Variants in CNTNAP2 observed in about 807,000 individuals in gnomAD.
CNTNAP2 encodes contactin-associated protein-like 2.
Under a neutral mutation model 155.2 loss-of-function variants are expected in CNTNAP2, and 98 were observed. That is an observed-to-expected ratio of 0.63 (90% CI 0.54 to 0.75). The LOEUF is 0.75. CNTNAP2 is among the 30% of genes least tolerant of loss of function. The pLI is 0.00. For missense variants in CNTNAP2, 1,727 were observed against 1,688.1 expected (o/e 1.02, Z -0.40); for synonymous variants, 651 against 631.2 (o/e 1.03, Z -0.47).
At chr7:147,008,149 A>G (rs957256928) in intron 3 of CNTNAP2, among the ~76,000 whole-genome samples, 4 of 152,080 alleles carry the variant, frequency 2.6e-5, no homozygotes, top group Non-Finnish European at 5.9e-5. Flanking sequence ...ATCCATTAGC[A>G]AAATATTCTA....
At chr7:146,368,739 G>C (rs936976283) in intron 1 of CNTNAP2, among the ~76,000 whole-genome samples, 1 of 151,786 alleles carries the variant, frequency 6.6e-6, no homozygotes, top group Middle Eastern at 3.4e-3. Context: ...TTGTTTATTT[G>C]TGCACCTCTG....
intron 3 of CNTNAP2, among the ~76,000 whole-genome samples, chr7:146,954,597 TA>T (rs1384553117): frequency 6.6e-6 from 1 of 151,956 alleles, no homozygotes; most frequent in African/African-American, 2.4e-5. Flanking sequence ...GACTTTTAAA[TA>T]TTTTTTTTCC....
chr7:147,185,380 A>G (rs1295319617), intron 8 of CNTNAP2, among the ~76,000 whole-genome samples: 1 of 152,190 alleles, frequency 6.6e-6, no homozygotes, highest in Non-Finnish European at 1.5e-5. Context: ...TTTTAGGTAT[A>G]TATACTAGAG....
chr7:146,206,705 A>G (rs571181782), intron 1 of CNTNAP2, among the ~76,000 whole-genome samples: 1 of 152,112 alleles, frequency 6.6e-6, no homozygotes, highest in East Asian at 1.9e-4. Flanking sequence ...AAAACATGAA[A>G]TACACAACTT....
intron 9 of CNTNAP2, among the ~76,000 whole-genome samples, chr7:147,331,302 A>C (rs899602499): frequency 6.6e-6 from 1 of 152,198 alleles, no homozygotes; most frequent in South Asian, 2.1e-4. Flanking sequence ...TTGGACGACT[A>C]GTAGAACGGT....
intron 1 of CNTNAP2, among the ~76,000 whole-genome samples, chr7:146,477,732 C>A (rs1796900908): frequency 6.7e-6 from 1 of 148,994 alleles, no homozygotes; most frequent in African/African-American, 2.5e-5. Context: ...AATTTGTAAC[C>A]AACAAAGTTT....
intron 19 of CNTNAP2, among the ~76,000 whole-genome samples, chr7:148,226,392 A>G (rs530425535): frequency 6.6e-6 from 1 of 152,148 alleles, no homozygotes; most frequent in East Asian, 1.9e-4. Context: ...AGAATGTCAG[A>G]CAACCATCAG....
At chr7:147,273,948 T>C (rs529257720) in intron 8 of CNTNAP2, among the ~76,000 whole-genome samples, 1 of 148,302 alleles carries the variant, frequency 6.7e-6, no homozygotes, top group Non-Finnish European at 1.5e-5. Context: ...ATCTATTTTA[T>C]GTAATATATT....
At chr7:148,022,562 A>G (rs1802302124) in intron 15 of CNTNAP2, among the ~76,000 whole-genome samples, 1 of 152,056 alleles carries the variant, frequency 6.6e-6, no homozygotes, top group African/African-American at 2.4e-5. Context: ...CTTAGTGACC[A>G]TGGCTATGGG....
intron 3 of CNTNAP2, among the ~76,000 whole-genome samples, chr7:146,863,332 T>C (rs1298214153): frequency 6.6e-6 from 1 of 152,148 alleles, no homozygotes; most frequent in Admixed American, 6.5e-5. Flanking sequence ...ATAAGCCTTA[T>C]CTGCTTCAAC....
intron 1 of CNTNAP2, among the ~76,000 whole-genome samples, chr7:146,545,715 G>T (rs1170456991): frequency 6.6e-6 from 1 of 151,868 alleles, no homozygotes; most frequent in African/African-American, 2.4e-5. Context: ...AAATAGGAAT[G>T]CTTTTACACT....
chr7:147,905,793 A>G (rs1799947069), intron 14 of CNTNAP2, among the ~76,000 whole-genome samples: 1 of 152,144 alleles, frequency 6.6e-6, no homozygotes, highest in Admixed American at 6.5e-5. Flanking sequence ...CTGAGGCAGG[A>G]GAATCGCTTG....
At chr7:146,156,789 A>G (rs1329495857) in intron 1 of CNTNAP2, among the ~76,000 whole-genome samples, 1 of 152,062 alleles carries the variant, frequency 6.6e-6, no homozygotes, top group East Asian at 1.9e-4. Flanking sequence ...TTTAGTAAAA[A>G]CAGGTTTCAC....
At chr7:148,393,310 TTATTA>T (rs1435892251) in intron 22 of CNTNAP2, among the ~76,000 whole-genome samples, 1 of 152,210 alleles carries the variant, frequency 6.6e-6, no homozygotes, top group African/African-American at 2.4e-5. Context: ...CTCAGTCTTT[TTATTA>T]TGTTATTTGT....
chr7:148,353,306 A>C (rs1798459877), intron 21 of CNTNAP2, among the ~76,000 whole-genome samples: 1 of 152,238 alleles, frequency 6.6e-6, no homozygotes, highest in South Asian at 2.1e-4. Flanking sequence ...CTGCAGATGC[A>C]CTTCCACATC....
chr7:147,599,650 T>A (rs749762627), intron 12 of CNTNAP2, among the ~76,000 whole-genome samples: 2 of 152,142 alleles, frequency 1.3e-5, no homozygotes, highest in Non-Finnish European at 2.9e-5. Flanking sequence ...TTCCAGCTTC[T>A]GGTGGTTGCA....
At chr7:146,882,493 T>C (rs1795572287) in intron 3 of CNTNAP2, among the ~76,000 whole-genome samples, 1 of 151,970 alleles carries the variant, frequency 6.6e-6, no homozygotes, top group South Asian at 2.1e-4. Context: ...CTGATGGTTT[T>C]ATAAAGGCCT....
chr7:146,938,765 A>C (rs1450773044), intron 3 of CNTNAP2, among the ~76,000 whole-genome samples: 3 of 152,202 alleles, frequency 2.0e-5, no homozygotes, highest in Admixed American at 6.5e-5. Context: ...CGAGGGACAA[A>C]AAATTACGCA....
At chr7:146,865,035 G>T (rs1795177072) in intron 3 of CNTNAP2, among the ~76,000 whole-genome samples, 1 of 145,572 alleles carries the variant, frequency 6.9e-6, no homozygotes, top group Admixed American at 6.9e-5. Flanking sequence ...CAAGGCAACA[G>T]GTTATAAGAT....
Sources: gnomAD v4.1 joint callset for allele counts (sites outside exome capture counted in the v4.1 genomes callset) on GRCh38, gnomAD v4.1.1 for gene constraint, MANE v1.5 for transcripts, NCBI Gene and HGNC (gene_info 2026-07-23, HGNC 2026-07-21) for gene names.